Variants in CREB3L1 observed in about 807,000 individuals in gnomAD.
CREB3L1 encodes the protein cyclic AMP-responsive element-binding protein 3-like protein 1.
Under a neutral mutation model 54.5 loss-of-function variants are expected in CREB3L1, and 33 were observed. That is an observed-to-expected ratio of 0.61 (90% CI 0.46 to 0.81). The LOEUF is 0.81. Ranked by LOEUF, CREB3L1 falls within the 30% of genes least tolerant of loss-of-function variation. The pLI is 0.00. For synonymous variants in CREB3L1, 284 were observed against 286.4 expected (o/e 0.99, Z 0.08); for missense variants, 656 against 673.3 (o/e 0.97, Z 0.29).
chr11:46,311,004 C>A, intron 4 of CREB3L1, 28 bp from the exon 5 acceptor site: 1 of 1,543,512 alleles, frequency 6.5e-7, no homozygotes, highest in Non-Finnish European at 8.8e-7. Context: ...TGCAACGTTG[C>A]TAACTCGGTT....
intron 1 of CREB3L1, among the ~76,000 whole-genome samples, chr11:46,285,948 G>T (rs911654569): frequency 1.3e-5 from 2 of 152,234 alleles, no homozygotes; most frequent in Non-Finnish European, 2.9e-5. Context: ...AGGCAGACAG[G>T]TCTGAGCCTT....
chr11:46,292,246 G>A (rs1939140765), intron 1 of CREB3L1, among the ~76,000 whole-genome samples: 1 of 152,210 alleles, frequency 6.6e-6, no homozygotes, highest in East Asian at 1.9e-4. Flanking sequence ...CCAAACACAT[G>A]GAAACTCTGC....
intron 5 of CREB3L1, 57 bp downstream of exon 5, chr11:46,311,246 A>T (rs930352444): frequency 6.9e-7 from 1 of 1,452,576 alleles, no homozygotes; most frequent in African/African-American, 1.4e-5. Flanking sequence ...CATCCACCTG[A>T]GCACACTGGC....
In CREB3L1 at chr11:46,316,067, T is replaced by G. The variant is rs1939561918; in HGVS notation, c.1032-219T>G. On this transcript the variant is annotated intron_variant, in intron 8 of 11. Coordinates refer to ENST00000621158, the MANE Select transcript of CREB3L1 (RefSeq NM_052854.4). ...GGCCAGGAGCATCACAGGGCAGGCC[T>G]GAGCTTCCACAAGGTGACCCAGCCA... The G allele has an allele frequency of 6.1e-6, 3 of 488,202 alleles. No homozygotes were observed. In the South Asian group the frequency reaches 8.5e-5, roughly 14 times the overall value. The allele number at this position is 488,202 out of a possible 1,614,324, so 30.2% of individuals were successfully genotyped here. A position where few individuals can be genotyped will look rare whatever the true frequency, so the allele number is the denominator to read the frequency against.
At chr11:46,310,103 C>T (rs1242790634) in intron 4 of CREB3L1, 36 bp downstream of exon 4, 1 of 1,427,688 alleles carries the variant, frequency 7.0e-7, no homozygotes, top group South Asian at 1.2e-5. Context: ...TTTTCCCCTC[C>T]AGTCATAGGC....
At chr11:46,282,391 A>G (rs964902807) in intron 1 of CREB3L1, among the ~76,000 whole-genome samples, 2 of 152,134 alleles carry the variant, frequency 1.3e-5, no homozygotes, top group Non-Finnish European at 2.9e-5. Flanking sequence ...GCTGACCCAC[A>G]GGGGATTTGA....
chr11:46,299,838 G>A, intron 1 of CREB3L1, 97 bp from the exon 2 acceptor site: 1 of 810,048 alleles, frequency 1.2e-6, no homozygotes, highest in Non-Finnish European at 2.1e-6. Context: ...AGGGACAGTG[G>A]TGGCCATGGT....
At chr11:46,309,291 C>A (rs1022001323) in intron 3 of CREB3L1, among the ~76,000 whole-genome samples, 2 of 152,208 alleles carry the variant, frequency 1.3e-5, no homozygotes, top group African/African-American at 4.8e-5. Flanking sequence ...CCAGGGCCTG[C>A]AATCCAGCCC....
At chr11:46,294,881 G>A (rs984085257) in intron 1 of CREB3L1, among the ~76,000 whole-genome samples, 2 of 151,922 alleles carry the variant, frequency 1.3e-5, no homozygotes, top group Non-Finnish European at 2.9e-5. Context: ...CCCAGCCTGC[G>A]GGGGGAAAGA....
rs1939080989 is a variant in CREB3L1, at chr11:46,288,060, TC to T, written c.102+9848del. ...TGTGTTACAAACAATCCAATTACAC[TC>T]TTTTTTTTATTTTATTTATTTATTT... On this transcript the variant is annotated intron_variant, in intron 1 of 11. Coordinates refer to ENST00000621158, the MANE Select transcript of CREB3L1 (RefSeq NM_052854.4). Among the ~76,000 whole-genome samples, 3 of 151,920 alleles carry T rather than the reference TC, an allele frequency of 2.0e-5. No homozygotes were observed. The South Asian group carries it at 6.2e-4, about 32-fold the overall frequency.
intron 1 of CREB3L1, among the ~76,000 whole-genome samples, chr11:46,286,302 T>G (rs1202077564): frequency 1.3e-5 from 2 of 152,222 alleles, no homozygotes; most frequent in Non-Finnish European, 2.9e-5. Context: ...ATGGCCCTCT[T>G]TTTTAAAGTA....
intron 1 of CREB3L1, among the ~76,000 whole-genome samples, chr11:46,279,832 T>A (rs1938939568): frequency 6.6e-6 from 1 of 152,134 alleles, no homozygotes; most frequent in African/African-American, 2.4e-5. Flanking sequence ...CAGCTCTGAG[T>A]TGGGCTTTCT....
chr11:46,320,345 C>T lies in CREB3L1; in HGVS notation c.1340C>T (p.Pro447Leu), dbSNP rs910867809. ...DGRSTLLPME[P>L]PDGWEINPGG... Reference sequence around the variant, plus strand: ...CGCAGCACCCTGCTGCCCATGGAGCCCCCAGATGGCTGGGAAATCAACCCC... The same window carrying T: ...CGCAGCACCCTGCTGCCCATGGAGCTCCCAGATGGCTGGGAAATCAACCCC... Residue 447 changes from proline (P) to leucine (L), a missense_variant, in exon 11 of 12, where the codon CCC becomes CTC. Coordinates refer to ENST00000621158, the MANE Select transcript of CREB3L1 (RefSeq NM_052854.4). 4 of 1,612,232 alleles carry T rather than the reference C, an allele frequency of 2.5e-6. No individual in the cohort carries two copies. The South Asian group carries it at 4.4e-5, about 18-fold the overall frequency.
At chr11:46,305,690 A>ATGTGTGTGTGTGTGTGTGTGTG (rs764468204) in intron 2 of CREB3L1, among the ~76,000 whole-genome samples, 1 of 111,610 alleles carries the variant, frequency 9.0e-6, no homozygotes, top group South Asian at 3.2e-4. Flanking sequence ...GTGTGTATAT[A>ATGTGTGTGTGTGTGTGTGTGTG]TGTGTGTGTG....
intron 1 of CREB3L1, among the ~76,000 whole-genome samples, chr11:46,298,643 G>C (rs566984309): frequency 1.3e-5 from 2 of 152,300 alleles, no homozygotes; most frequent in South Asian, 4.1e-4. Context: ...AGGTTGCAGT[G>C]AGCCAAAATC....
intron 1 of CREB3L1, among the ~76,000 whole-genome samples, chr11:46,281,642 A>G (rs1201055618): frequency 6.6e-6 from 1 of 152,178 alleles, no homozygotes. Flanking sequence ...GTGGGGGCTA[A>G]GGCTGATCGC....
At position 46,310,079 on chromosome 11, in the gene CREB3L1, C is replaced by T. The variant is rs767303419; in HGVS notation, c.595+12C>T. On this transcript the variant is annotated intron_variant, in intron 4 of 11. Coordinates refer to ENST00000621158, the MANE Select transcript of CREB3L1 (RefSeq NM_052854.4). ...CAAAGTGACACCGGGTAGGTGTGTC[C>T]AGGGGAAGGGCTCTTTTCCCCTCCA... 1.9e-6 allele frequency: 3 copies of T among 1,566,196 alleles called. No homozygotes were observed. Among genetic ancestry groups the T allele is most frequent in the South Asian group, 2.3e-5 (2 of 85,454 alleles).
chr11:46,300,471 G>A (rs1187172844), intron 2 of CREB3L1, among the ~76,000 whole-genome samples: 13 of 152,238 alleles, frequency 8.5e-5, no homozygotes, highest in Non-Finnish European at 4.4e-5. Flanking sequence ...CCCCCAACCT[G>A]CTGAATCACA....
intron 2 of CREB3L1, among the ~76,000 whole-genome samples, chr11:46,303,604 A>G (rs914606021): frequency 1.3e-5 from 2 of 152,188 alleles, no homozygotes; most frequent in Non-Finnish European, 2.9e-5. Context: ...AAATCATGCT[A>G]CTATGCTCCA....
Sources: gnomAD v4.1 joint callset for allele counts (sites outside exome capture counted in the v4.1 genomes callset) on GRCh38, gnomAD v4.1.1 for gene constraint, MANE v1.5 for transcripts, NCBI Gene and HGNC (gene_info 2026-07-23, HGNC 2026-07-21) for gene names.